The following PPARD variants were observed in gnomAD, a reference collection of about 807,000 sequenced individuals.
PPARD encodes peroxisome proliferator activated receptor delta.
PPARD carries 6 observed loss-of-function variants against 39.5 expected under a neutral mutation model. That is an observed-to-expected ratio of 0.15 (90% CI 0.08 to 0.30). The LOEUF is 0.30. Ranked by LOEUF, PPARD falls within the 10% of genes least tolerant of loss-of-function variation. PPARD has a pLI of 1.00. For missense variants in PPARD, 397 were observed against 596.8 expected, an observed-to-expected ratio of 0.67 and a Z score of 3.49; for synonymous variants, 210 against 231.3, an observed-to-expected ratio of 0.91 and a Z score of 0.83.
At chr6:35,402,123 A>C (rs1313902899) in intron 2 of PPARD, among the ~76,000 whole-genome samples, 1 of 152,188 alleles carries the variant, frequency 6.6e-6, no homozygotes, top group Non-Finnish European at 1.5e-5. Flanking sequence ...GACCAACCCC[A>C]GATTATAAAG....
chr6:35,395,050 C>A (rs1256348237), intron 2 of PPARD, among the ~76,000 whole-genome samples: 1 of 152,088 alleles, frequency 6.6e-6, no homozygotes, highest in Non-Finnish European at 1.5e-5. Flanking sequence ...AGCACTAATG[C>A]TCTCTCCACT....
At chr6:35,420,487 C>T (rs1018297795) in intron 4 of PPARD, among the ~76,000 whole-genome samples, 12 of 152,196 alleles carry the variant, frequency 7.9e-5, no homozygotes, top group East Asian at 5.8e-4. Flanking sequence ...CAAGCCTACC[C>T]TGCTGGGCAC....
At chr6:35,358,828 C>T (rs1216398338) in intron 2 of PPARD, among the ~76,000 whole-genome samples, 1 of 152,158 alleles carries the variant, frequency 6.6e-6, no homozygotes, top group East Asian at 1.9e-4. Flanking sequence ...TTGTGTACCT[C>T]CTATGTGCTA....
At chr6:35,378,176 T>A (rs1762929935) in intron 2 of PPARD, among the ~76,000 whole-genome samples, 1 of 152,134 alleles carries the variant, frequency 6.6e-6, no homozygotes, top group African/African-American at 2.4e-5. Flanking sequence ...ATCTCCTTTT[T>A]TCAGCCGACT....
intron 2 of PPARD, among the ~76,000 whole-genome samples, chr6:35,399,506 T>A (rs1034459114): frequency 6.6e-6 from 1 of 151,072 alleles, no homozygotes; most frequent in African/African-American, 2.4e-5. Flanking sequence ...CGGGAGGAGT[T>A]CAGTTCAAGA....
chr6:35,400,809 AAG>A (rs1436854426), intron 2 of PPARD, among the ~76,000 whole-genome samples: 2 of 151,798 alleles, frequency 1.3e-5, no homozygotes, highest in East Asian at 3.9e-4. Flanking sequence ...AAAAAAAAAA[AAG>A]AAAAGAAAAA....
At chr6:35,423,003 A>G (rs1766283427) in intron 5 of PPARD, among the ~76,000 whole-genome samples, 1 of 131,916 alleles carries the variant, frequency 7.6e-6, no homozygotes, top group Non-Finnish European at 1.5e-5. Flanking sequence ...GGATTGCTTG[A>G]GTCCAGGAGT....
intron 2 of PPARD, among the ~76,000 whole-genome samples, chr6:35,370,050 G>A (rs1762401238): frequency 6.6e-6 from 1 of 152,220 alleles, no homozygotes; most frequent in Non-Finnish European, 1.5e-5. Context: ...TCTCACTGCA[G>A]TATAAGGGTA....
intron 2 of PPARD, among the ~76,000 whole-genome samples, chr6:35,386,991 C>T (rs945712773): frequency 6.7e-6 from 1 of 150,186 alleles, no homozygotes; most frequent in East Asian, 2.0e-4. Context: ...CTGCTTTCCC[C>T]CACCTCCTGA....
chr6:35,358,306 T>G (rs1761736106), intron 2 of PPARD, among the ~76,000 whole-genome samples: 1 of 152,198 alleles, frequency 6.6e-6, no homozygotes, highest in Non-Finnish European at 1.5e-5. Context: ...AAGGAAACTG[T>G]TTTCCCTTAG....
intron 2 of PPARD, among the ~76,000 whole-genome samples, chr6:35,370,446 G>T (rs997357232): frequency 1.1e-4 from 16 of 152,220 alleles, no homozygotes; most frequent in African/African-American, 3.9e-4. Flanking sequence ...CGTCAGGAGA[G>T]ATGTCACTCT....
At position 35,401,962 on chromosome 6, in the gene PPARD, C is replaced by A. The variant is rs559837385; in HGVS notation, c.-101-9025C>A. Among the ~76,000 whole-genome samples, 4 of 152,240 alleles carry A rather than the reference C, an allele frequency of 2.6e-5. No individual in the cohort carries two copies. The South Asian group carries it at 8.3e-4, about 32-fold the overall frequency. On this transcript the variant is annotated intron_variant, in intron 2 of 7. Coordinates refer to ENST00000360694, the MANE Select transcript of PPARD (RefSeq NM_006238.5). The surrounding 1 kb of genome is among the most constrained non-coding windows in gnomAD (Gnocchi z 4.1). ...CGGCAGAACCACCCTACCCTGGAAG[C>A]CCTCTCCATGTAGTGTGAGGGGTCT...
chr6:35,424,349 C>T lies in PPARD; in HGVS notation c.648C>T (p.Ile216=), dbSNP rs201479741. ...SHTAPFVIHD[I]ETLWQAEKGL... The stretch of plus-strand genomic sequence containing the variant: ...TTCAGCCCTTTGTGATCCACGACAT[C>T]GAGACATTGTGGCAGGCAGAGAAGG... Residue 216 remains isoleucine, a synonymous_variant, in exon 7 of 8, where the codon ATC becomes ATT. Coordinates refer to ENST00000360694, the MANE Select transcript of PPARD (RefSeq NM_006238.5). This position sits in a 1 kb window ranked among gnomAD's most constrained non-coding sequence, Gnocchi z 7.1. 3.6e-5 allele frequency: 58 copies of T among 1,611,998 alleles called. No homozygotes were observed. Among genetic ancestry groups the T allele is most frequent in the Non-Finnish European group, 4.7e-5 (55 of 1,178,272 alleles).
rs751830588 is a variant in PPARD at position 35,421,861 on chromosome 6, G to C, written c.327G>C (p.Glu109Asp). 1 of 1,614,058 alleles carries C rather than the reference G, an allele frequency of 6.2e-7. No homozygotes were observed. Among genetic ancestry groups the C allele is most frequent in the Non-Finnish European group, 8.5e-7 (1 of 1,179,954 alleles). The part of the protein sequence containing the change: ...RRTIRMKLEY[E>D]KCERSCKIQK... ...CGATCCGCATGAAGCTGGAGTACGA[G>C]AAGTGTGAGCGCAGCTGCAAGATTC... Residue 109 changes from glutamate (E) to aspartate (D), a missense_variant, in exon 5 of 8, where the codon GAG becomes GAC. By Grantham distance (45) the Glu-to-Asp change is conservative (BLOSUM62 2). Coordinates refer to ENST00000360694, the MANE Select transcript of PPARD (RefSeq NM_006238.5).
chr6:35,367,799 C>T (rs1762283066), intron 2 of PPARD, among the ~76,000 whole-genome samples: 1 of 152,212 alleles, frequency 6.6e-6, no homozygotes, highest in African/African-American at 2.4e-5. Context: ...GGGGCCAAGA[C>T]AGTGGAAGCC....
At chr6:35,343,713 C>A (rs1441086533) in intron 1 of PPARD, among the ~76,000 whole-genome samples, 1 of 152,208 alleles carries the variant, frequency 6.6e-6, no homozygotes, top group Admixed American at 6.5e-5. Flanking sequence ...TTCCAGGAAC[C>A]CTTGGGGGAG....
chr6:35,390,013 A>G (rs1304571191), intron 2 of PPARD, among the ~76,000 whole-genome samples: 1 of 152,194 alleles, frequency 6.6e-6, no homozygotes, highest in African/African-American at 2.4e-5. Context: ...AAGGCTAGCC[A>G]GGTCCTGGCC....
chr6:35,347,824 G>C (rs7745039), intron 2 of PPARD, among the ~76,000 whole-genome samples: 4,306 of 151,630 alleles, frequency 0.028, 171 homozygotes, highest in African/African-American at 0.083. Flanking sequence ...GGCCAGGCTG[G>C]TCTGGAACTC....
Position 35,425,377 on chromosome 6 carries a change from TA to T in PPARD, c.1079-454del. ...ATTTTTAAAATTCCAACACAATAAA[TA>T]CAATAATAACTATGCTAACTAACAG... is the stretch of plus-strand genomic sequence containing the variant. On this transcript the variant is annotated intron_variant, in intron 7 of 7. Transcript: ENST00000360694. The surrounding 1 kb of genome is among the most constrained non-coding windows in gnomAD (Gnocchi z 4.5). The T allele has an allele frequency of 9.8e-7, 1 of 1,020,306 alleles. No individual in the cohort carries two copies. The highest frequency in any genetic ancestry group is 1.2e-6 in the Non-Finnish European group (1 of 851,758). 63.2% of individuals were successfully genotyped at this position (1,020,306 alleles called of 1,614,324 possible).
Sources: gnomAD v4.1 joint callset for allele counts (sites outside exome capture counted in the v4.1 genomes callset) on GRCh38, gnomAD v4.1.1 for gene constraint, Gnocchi (gnomAD v3.1) non-coding constraint, MANE v1.5 for transcripts, NCBI Gene and HGNC (gene_info 2026-07-23, HGNC 2026-07-21) for gene names.